NR1H3: variants seen among roughly 807,000 people sequenced by gnomAD.
NR1H3 encodes the protein nuclear receptor subfamily 1 group H member 3, also known as oxysterols receptor LXR-alpha.
NR1H3 carries 19 observed loss-of-function variants against 48.1 expected under a neutral mutation model. The ratio of observed to expected loss-of-function variants is 0.40; its 90% confidence interval spans 0.28 to 0.58. NR1H3 has a LOEUF of 0.58. NR1H3 is among the 20% of genes least tolerant of loss of function. The pLI is 0.50. For missense variants in NR1H3, 486 were observed against 595.9 expected (o/e 0.82, Z 1.92); for synonymous variants, 232 against 227.3 (o/e 1.02, Z -0.19).
At chr11:47,253,266 G>T (rs933059629), upstream of NR1H3, among the ~76,000 whole-genome samples, 6 of 152,124 alleles carry the variant, frequency 3.9e-5, no homozygotes, top group Non-Finnish European at 5.9e-5. Flanking sequence ...ACCACACCCA[G>T]TCTTATACCT....
At chr11:47,257,813 G>C (rs1318617494), upstream of NR1H3, 1 of 964,706 alleles carries the variant, frequency 1.0e-6, no homozygotes, top group Non-Finnish European at 1.2e-6. Flanking sequence ...GGAGTAGGGG[G>C]CGGGAGTGGC....
chr11:47,248,954 C>A (rs761290762), exon 1 of NR1H3: 4 of 1,528,638 alleles, frequency 2.6e-6, no homozygotes, highest in Non-Finnish European at 3.5e-6. Context: ...GGTGGGATTG[C>A]GTGCAGGAGG....
At chr11:47,261,829 A>G (rs1955905718) in intron 6 of NR1H3, 90 bp from the exon 7 acceptor site, 1 of 1,598,728 alleles carries the variant, frequency 6.3e-7, no homozygotes, top group Non-Finnish European at 8.6e-7. Flanking sequence ...GCTGGGAAGC[A>G]GGGATGAGGA....
At chr11:47,265,600 G>A (rs1457379628) in intron 7 of NR1H3, among the ~76,000 whole-genome samples, 2 of 152,166 alleles carry the variant, frequency 1.3e-5, no homozygotes, top group African/African-American at 2.4e-5. Flanking sequence ...TTGACCAGGC[G>A]CGGTGGCTCA....
chr11:47,261,989 G>A lies in NR1H3; in HGVS notation c.959G>A (p.Ser320Asn), dbSNP rs757556341. 2 of 1,613,782 alleles carry A rather than the reference G, an allele frequency of 1.2e-6. No homozygotes were observed. ...SESITFLKDFSYNREDFAKAG... is the reference protein window; with the variant it reads ...SESITFLKDFNYNREDFAKAG... ...AGTATCACCTTCCTCAAGGATTTCA[G>A]TTATAACCGGGAAGACTTTGCCAAA... The change falls in exon 7 of 10, where the codon AGT becomes AAT. Residue 320 changes from serine (S) to asparagine (N), a missense_variant. Coordinates refer to ENST00000441012, the MANE Select transcript of NR1H3 (RefSeq NM_005693.4).
At chr11:47,250,076 C>T (rs1261480473) in intron 1 of NR1H3, among the ~76,000 whole-genome samples, 3 of 151,782 alleles carry the variant, frequency 2.0e-5, no homozygotes, top group African/African-American at 4.8e-5. Context: ...CTCCAGCCTG[C>T]GCGACAGAGT....
intron 7 of NR1H3, among the ~76,000 whole-genome samples, chr11:47,267,540 G>A (rs1010564446): frequency 2.0e-5 from 3 of 148,068 alleles, no homozygotes; most frequent in African/African-American, 5.0e-5. Flanking sequence ...ACGGAATCTC[G>A]CTCTATCGCC....
chr11:47,254,014 C>T (rs1466360612), upstream of NR1H3, among the ~76,000 whole-genome samples: 1 of 152,172 alleles, frequency 6.6e-6, no homozygotes, highest in African/African-American at 2.4e-5. Context: ...AGGTTTTGGT[C>T]TTCTCCCATT....
chr11:47,259,309 G>A lies in NR1H3; in HGVS notation c.43+50G>A, dbSNP rs193217479. 4.6e-4 allele frequency: 749 copies of A among 1,612,684 alleles called. 3 individuals are homozygous for A. The African/African-American group carries it at 7.5e-3, about 16-fold the overall frequency. The stretch of plus-strand genomic sequence containing the variant: ...CCTGAGCCCAGACCGCAGGCTCCAC[G>A]CCTCCTGTAGGAATCAGCCTCCTTC... On this transcript the variant is annotated intron_variant, in intron 2 of 9. Coordinates refer to ENST00000441012, the MANE Select transcript of NR1H3 (RefSeq NM_005693.4).
intron 1 of NR1H3, among the ~76,000 whole-genome samples, chr11:47,251,125 C>T (rs777243720): frequency 1.9e-4 from 29 of 152,216 alleles, no homozygotes; most frequent in Non-Finnish European, 4.0e-4. Context: ...TGCCACTGCA[C>T]CCCAGCCTGG....
In NR1H3 at chr11:47,262,488, C is replaced by A. The variant is rs535108435; in HGVS notation, c.988+470C>A. Among the ~76,000 whole-genome samples the A allele has an allele frequency of 7.4e-5, 11 of 147,682 alleles. No individual in the cohort carries two copies. The East Asian group carries it at 2.2e-3, about 30-fold the overall frequency. ...TGCTGGGATTACAGGCGTGAGCCAC[C>A]CACCATGCCCGGCCAAGTACTTTTT... On this transcript the variant is annotated intron_variant, in intron 7 of 9. Transcript: ENST00000441012.
At chr11:47,264,351 C>T (rs1292771291) in intron 7 of NR1H3, among the ~76,000 whole-genome samples, 1 of 152,206 alleles carries the variant, frequency 6.6e-6, no homozygotes, top group Admixed American at 6.5e-5. Flanking sequence ...CTCTTGCTCT[C>T]CCAACGCAGT....
At chr11:47,254,148 C>G (rs1236834664), upstream of NR1H3, among the ~76,000 whole-genome samples, 2 of 152,126 alleles carry the variant, frequency 1.3e-5, no homozygotes, top group African/African-American at 4.8e-5. Context: ...CCTAGCCTGC[C>G]CACCCCCACT....
At position 47,259,887 on chromosome 11, in the gene NR1H3, C is replaced by G. The variant is rs369163288; in HGVS notation, c.140C>G (p.Pro47Arg). 6.2e-7 allele frequency: 1 copy of G among 1,612,974 alleles called. No individual in the cohort carries two copies. The highest frequency in any genetic ancestry group is 8.5e-7 in the Non-Finnish European group (1 of 1,179,810). ...ATCCTCAGAGAGGAAGCCAGGATGCCCCACTCTGCTGGGGGTACTGCAGGG... is the reference window on the plus strand; with the variant it reads ...ATCCTCAGAGAGGAAGCCAGGATGCGCCACTCTGCTGGGGGTACTGCAGGG... ...SCILREEARMPHSAGGTAGVG... is the reference protein window; with the variant it reads ...SCILREEARMRHSAGGTAGVG... Residue 47 changes from proline to arginine, a missense_variant, in exon 3 of 10, where the codon CCC (proline) becomes CGC (arginine). Coordinates refer to ENST00000441012, the MANE Select transcript of NR1H3 (RefSeq NM_005693.4).
Position 47,258,040 on chromosome 11 carries a change from C to G in NR1H3, c.-127C>G. 3 of 985,584 alleles carry G rather than the reference C, an allele frequency of 3.0e-6. No homozygotes were observed. The highest frequency in any genetic ancestry group is 3.6e-6 in the Non-Finnish European group (3 of 830,132). The allele number at this position is 985,584 out of a possible 1,614,324, so 61.1% of individuals were successfully genotyped here. A position where few individuals can be genotyped will look rare whatever the true frequency, so the allele number is the denominator to read the frequency against. ...CCAGCTCACTGGCTGGCCACCGAGA[C>G]TTCTGGACAGGAAACTGCACCATCC... On this transcript the variant is annotated 5_prime_UTR_variant, in exon 1 of 10. Coordinates refer to ENST00000441012, the MANE Select transcript of NR1H3 (RefSeq NM_005693.4).
chr11:47,254,903 C>T (rs1954949280), upstream of NR1H3, among the ~76,000 whole-genome samples: 1 of 152,196 alleles, frequency 6.6e-6, no homozygotes, highest in Non-Finnish European at 1.5e-5. Context: ...TCCCTGGTGC[C>T]CTGTTCATCT....
chr11:47,263,201 A>T (rs980602735), intron 7 of NR1H3, among the ~76,000 whole-genome samples: 5 of 151,918 alleles, frequency 3.3e-5, no homozygotes, highest in Admixed American at 6.6e-5. Context: ...ACTTTTTAGT[A>T]GTCAAAAAGT....
chr11:47,259,247 G>C lies in NR1H3; in HGVS notation c.31G>C (p.Asp11His). The C allele has an allele frequency of 6.2e-7, 1 of 1,614,190 alleles. No individual in the cohort carries two copies. The highest frequency in any genetic ancestry group is 1.6e-4 in the Middle Eastern group (1 of 6,062). Residue 11 changes from aspartate to histidine, a missense_variant, in exon 2 of 10, where the codon GAC becomes CAC. By Grantham distance (81) the Asp-to-His change is moderately conservative. Coordinates refer to ENST00000441012, the MANE Select transcript of NR1H3 (RefSeq NM_005693.4). ...CTTGTGGCTGGGGGCCCCTGTGCCT[G>C]ACATTCCTCCTGGTAAGCTTCATTC... MSLWLGAPVP[D>H]IPPDSAVELW...
At chr11:47,262,673 G>C (rs1404412516) in intron 7 of NR1H3, among the ~76,000 whole-genome samples, 1 of 151,998 alleles carries the variant, frequency 6.6e-6, no homozygotes, top group Non-Finnish European at 1.5e-5. Context: ...ACCATGCCCA[G>C]CTAATTTTTG....
Sources: gnomAD v4.1 joint callset for allele counts (sites outside exome capture counted in the v4.1 genomes callset) on GRCh38, gnomAD v4.1.1 for gene constraint, MANE v1.5 for transcripts, NCBI Gene and HGNC (gene_info 2026-07-23, HGNC 2026-07-21) for gene names.